The following TBX15 variants were observed in gnomAD, a reference collection of about 807,000 sequenced individuals.
The protein encoded by TBX15 is T-box transcription factor 15, also known as T-box transcription factor TBX15.
Under a neutral mutation model 53.9 loss-of-function variants are expected in TBX15, and 18 were observed. The observed-to-expected ratio is 0.33, with a 90% CI of 0.23 to 0.49. The LOEUF (loss-of-function observed/expected upper bound fraction) is 0.49, where lower values mean the gene tolerates loss of function less well. TBX15 is among the 20% of genes least tolerant of loss of function. TBX15 has a pLI of 0.98. For missense variants in TBX15, 692 were observed against 749.5 expected, an observed-to-expected ratio of 0.92 and a Z score of 0.90; for synonymous variants, 295 against 278.0, an observed-to-expected ratio of 1.06 and a Z score of -0.61.
intron 2 of TBX15, among the ~76,000 whole-genome samples, chr1:118,928,683 T>C (rs1024518797): frequency 3.3e-5 from 5 of 152,220 alleles, no homozygotes; most frequent in African/African-American, 1.2e-4. Context: ...GAGGCTGTAT[T>C]ACACGAAAGA....
intron 5 of TBX15, among the ~76,000 whole-genome samples, chr1:118,916,210 T>C (rs537833217): frequency 6.6e-6 from 1 of 152,026 alleles, no homozygotes; most frequent in African/African-American, 2.4e-5. Flanking sequence ...ACAATTACAA[T>C]ATAAAAAAGA....
chr1:118,949,289 C>A (rs1656441700), intron 1 of TBX15, among the ~76,000 whole-genome samples: 1 of 152,182 alleles, frequency 6.6e-6, no homozygotes. Flanking sequence ...GCTATTGTGT[C>A]ATTGTTCATA....
chr1:118,920,895 A>C (rs896076979), intron 5 of TBX15, among the ~76,000 whole-genome samples: 10 of 152,182 alleles, frequency 6.6e-5, no homozygotes, highest in African/African-American at 2.4e-4. Flanking sequence ...TAGCAGAAAC[A>C]GGAGGTTTAA....
chr1:118,960,967 G>A (rs1382893408), intron 1 of TBX15, among the ~76,000 whole-genome samples: 1 of 152,228 alleles, frequency 6.6e-6, no homozygotes, highest in African/African-American at 2.4e-5. Flanking sequence ...CATGGACAGA[G>A]ATCTGCAGGC....
At chr1:118,891,655 G>A (rs1046754297) in intron 7 of TBX15, among the ~76,000 whole-genome samples, 4 of 152,146 alleles carry the variant, frequency 2.6e-5, no homozygotes, top group African/African-American at 9.7e-5. Context: ...GAAATCTTAG[G>A]AGAAAGGTAC....
intron 6 of TBX15, among the ~76,000 whole-genome samples, chr1:118,904,441 G>A (rs942735815): frequency 6.6e-6 from 1 of 152,174 alleles, no homozygotes; most frequent in Non-Finnish European, 1.5e-5. Context: ...CAGCAGAGGT[G>A]TGCAAATTGA....
Position 118,931,769 on chromosome 1 carries a change from C to G in TBX15, c.269G>C (p.Ser90Thr), listed in dbSNP as rs1312825352. ...ACCAGAGGCCAGGTCAGTGTGAGTA[C>G]TGAAGGAGCAGGAAGTCCGCTCAGT... ...VLTERTSCSF[S>T]THTDLASGAA... Residue 90 changes from serine (S) to threonine (T), a missense_variant, in exon 2 of 8, where the codon AGT becomes ACT. Transcript: ENST00000369429. 1.2e-6 allele frequency: 2 copies of G among 1,611,762 alleles called. No homozygotes were observed. The highest frequency in any genetic ancestry group is 4.5e-5 in the East Asian group (2 of 44,806).
intron 3 of TBX15, among the ~76,000 whole-genome samples, chr1:118,925,908 CTT>C (rs5777376): frequency 2.7e-5 from 4 of 150,628 alleles, no homozygotes; most frequent in East Asian, 3.9e-4. Context: ...TAAGCCACAA[CTT>C]TTTTTTTTTC....
chr1:118,914,007 C>G lies in TBX15; in HGVS notation c.926+108G>C, dbSNP rs181024813. 47 of 1,071,988 alleles carry G rather than the reference C, an allele frequency of 4.4e-5. No individual in the cohort carries two copies. The East Asian group carries it at 1.1e-3, about 26-fold the overall frequency. 66.4% of individuals were successfully genotyped at this position (1,071,988 alleles called of 1,614,324 possible). ...CTCTTTGCCGAAGTGTACACAGTGG[C>G]GGAGCATACAGGTGTTTTCTAAAAG... On this transcript the variant is annotated intron_variant, in intron 6 of 7. Transcript: ENST00000369429.
intron 7 of TBX15, among the ~76,000 whole-genome samples, chr1:118,886,603 T>G (rs1295111638): frequency 1.3e-5 from 2 of 152,180 alleles, no homozygotes; most frequent in African/African-American, 4.8e-5. Context: ...CCCCCAGATG[T>G]GTAGTGTGGC....
rs1004725910 is a variant in TBX15 at position 118,987,595 on chromosome 1, G to A, written c.201C>T (p.His67=). ...EDAAAHGLEP[H]PDSEQSTGSD... ...GGTCGGCTGCGACGCACTCACCCGG[G>A]TGAGGCTCCAGGCCGTGTGCCGCCG... The change falls in exon 1 of 8, where the codon CAC becomes CAT. Residue 67 remains histidine, a synonymous_variant. Transcript: ENST00000369429. 6.5e-7 allele frequency: 1 copy of A among 1,546,616 alleles called. No individual in the cohort carries two copies. Among genetic ancestry groups the A allele is most frequent in the Admixed American group, 2.0e-5 (1 of 50,988 alleles).
At chr1:118,933,474 A>AC (rs1491058430) in intron 1 of TBX15, among the ~76,000 whole-genome samples, 1 of 135,622 alleles carries the variant, frequency 7.4e-6, no homozygotes, top group African/African-American at 2.6e-5. Flanking sequence ...AAAAAAAAAA[A>AC]ACTATAAAGT....
intron 7 of TBX15, among the ~76,000 whole-genome samples, chr1:118,892,140 G>A (rs185303544): frequency 1.9e-4 from 23 of 122,750 alleles, no homozygotes; most frequent in Non-Finnish European, 3.7e-4. Flanking sequence ...TACGTAAATA[G>A]ACATCTAGCT....
chr1:118,975,230 A>G (rs1448405329), intron 1 of TBX15, among the ~76,000 whole-genome samples: 7 of 152,214 alleles, frequency 4.6e-5, no homozygotes, highest in Non-Finnish European at 1.0e-4. Flanking sequence ...GGAAGGCTGC[A>G]CGTGTGCCAT....
chr1:118,898,921 T>A, intron 7 of TBX15, 107 bp downstream of exon 7: 1 of 1,100,128 alleles, frequency 9.1e-7, no homozygotes, highest in Non-Finnish European at 1.4e-6. Flanking sequence ...CCAGGAGAAT[T>A]GGTATAACCC....
At chr1:118,981,568 TG>T (rs1223709364) in intron 1 of TBX15, among the ~76,000 whole-genome samples, 2 of 152,238 alleles carry the variant, frequency 1.3e-5, no homozygotes, top group Non-Finnish European at 2.9e-5. Context: ...TTTTCACTTC[TG>T]GTATCAAAAG....
chr1:118,940,762 G>A (rs952541588), intron 1 of TBX15, among the ~76,000 whole-genome samples: 3 of 150,402 alleles, frequency 2.0e-5, no homozygotes, highest in Admixed American at 6.6e-5. Context: ...TATGGGCCCC[G>A]ACTTTTCTAA....
At chr1:118,913,992 A>G in intron 6 of TBX15, 123 bp downstream of exon 6, 1 of 930,534 alleles carries the variant, frequency 1.1e-6, no homozygotes, top group Non-Finnish European at 1.7e-6. Context: ...CTCTTTGCCG[A>G]AGTGTACACA....
At chr1:118,890,348 A>T (rs188430409) in intron 7 of TBX15, among the ~76,000 whole-genome samples, 11 of 152,266 alleles carry the variant, frequency 7.2e-5, no homozygotes, top group Admixed American at 3.9e-4. Context: ...TGTTTTTCCC[A>T]CTATCCTTAG....
Sources: allele counts gnomAD v4.1 joint callset (sites outside exome capture counted in the v4.1 genomes callset), GRCh38; gene constraint gnomAD v4.1.1; transcripts MANE v1.5; gene names NCBI Gene and HGNC (gene_info 2026-07-23, HGNC 2026-07-21).